The following SUSD4 variants were observed in gnomAD, a reference collection of about 807,000 sequenced individuals.
The protein encoded by SUSD4 is sushi domain-containing protein 4.
In SUSD4, 41 loss-of-function variants were observed where a neutral mutation model predicts 50.5. The observed-to-expected ratio is 0.81, with a 90% CI of 0.63 to 1.05. The LOEUF is 1.05. Ranked by LOEUF, SUSD4 falls within the 50% of genes least tolerant of loss-of-function variation. The pLI is 0.00. For missense variants in SUSD4, 580 were observed against 634.7 expected (o/e 0.91, Z 0.93); for synonymous variants, 257 against 257.3 (o/e 1.00, Z 0.01).
intron 2 of SUSD4, among the ~76,000 whole-genome samples, chr1:223,297,871 GGGAT>G (rs550514362): frequency 6.6e-6 from 1 of 152,172 alleles, no homozygotes; most frequent in Non-Finnish European, 1.5e-5. Flanking sequence ...GATAAAGCAA[GGGAT>G]GGATGGATGG....
intron 2 of SUSD4, among the ~76,000 whole-genome samples, chr1:223,325,990 A>G (rs911139363): frequency 6.6e-6 from 1 of 152,154 alleles, no homozygotes; most frequent in African/African-American, 2.4e-5. Context: ...AAAATACCAA[A>G]ATCATTTTTC....
chr1:223,292,573 A>G lies in SUSD4; in HGVS notation c.227T>C (p.Phe76Ser), dbSNP rs916797219. 8.1e-6 allele frequency: 13 copies of G among 1,613,988 alleles called. No individual in the cohort carries two copies. The highest frequency in any genetic ancestry group is 1.1e-5 in the Non-Finnish European group (13 of 1,180,012). ...GFRTPSGGVF[F>S]EGSVARFHCQ... is the part of the protein sequence containing the mutation. Reference sequence around the variant, plus strand: ...GTGAAATCGGGCTACAGAGCCTTCAAAGAAAACCCCTCCGCTGGGGGTCCT... The same window carrying G: ...GTGAAATCGGGCTACAGAGCCTTCAGAGAAAACCCCTCCGCTGGGGGTCCT... Residue 76 changes from phenylalanine (F) to serine (S), a missense_variant, in exon 3 of 9, where the codon TTT becomes TCT. Physicochemically the swap from Phe to Ser is radical, Grantham distance 155 (BLOSUM62 -2). Coordinates refer to ENST00000366878, the MANE Select transcript of SUSD4 (RefSeq NM_017982.4).
At chr1:223,291,876 G>C (rs552177102) in intron 3 of SUSD4, among the ~76,000 whole-genome samples, 1 of 152,320 alleles carries the variant, frequency 6.6e-6, no homozygotes, top group East Asian at 1.9e-4. Flanking sequence ...CAGATGTGGG[G>C]TAATTGCTAG....
At chr1:223,355,066 C>G (rs189076446) in intron 2 of SUSD4, among the ~76,000 whole-genome samples, 104 of 151,646 alleles carry the variant, frequency 6.9e-4, no homozygotes, top group African/African-American at 2.4e-3. Context: ...ACACGTGCCA[C>G]CACACCCAGC....
intron 2 of SUSD4, among the ~76,000 whole-genome samples, chr1:223,293,086 C>T (rs1469641570): frequency 3.3e-5 from 5 of 152,184 alleles, no homozygotes; most frequent in Admixed American, 1.3e-4. Context: ...GGTTTTCTAA[C>T]GGTAGAAATG....
intron 2 of SUSD4, among the ~76,000 whole-genome samples, chr1:223,339,643 T>C (rs758127798): frequency 2.0e-5 from 3 of 152,176 alleles, no homozygotes; most frequent in Non-Finnish European, 4.4e-5. Flanking sequence ...CGACACCTTT[T>C]AATGGTATGA....
chr1:223,262,993 A>ATGGAGTAAGAGCAAAAGGCACGTTT (rs1558192407), intron 5 of SUSD4, among the ~76,000 whole-genome samples: 1 of 152,212 alleles, frequency 6.6e-6, no homozygotes, highest in Non-Finnish European at 1.5e-5. Context: ...ATGCCTATCC[A>ATGGAGTAAGAGCAAAAGGCACGTTT]ATCATATTCT....
chr1:223,354,269 T>C (rs1295529226), intron 2 of SUSD4, among the ~76,000 whole-genome samples: 1 of 151,026 alleles, frequency 6.6e-6, no homozygotes, highest in Non-Finnish European at 1.5e-5. Flanking sequence ...ATTGCCAGAA[T>C]AAAGTGTTGT....
intron 2 of SUSD4, among the ~76,000 whole-genome samples, chr1:223,348,954 T>C (rs1419116989): frequency 1.3e-5 from 2 of 152,062 alleles, no homozygotes; most frequent in Admixed American, 6.6e-5. Flanking sequence ...AGCTGGTCCA[T>C]GGGCATGAAG....
intron 5 of SUSD4, among the ~76,000 whole-genome samples, chr1:223,252,911 T>C (rs1661431883): frequency 6.6e-6 from 1 of 151,562 alleles, no homozygotes. Flanking sequence ...GCCAACATGG[T>C]AAAAAACCCC....
chr1:223,288,825 T>C lies in SUSD4; in HGVS notation c.361+3614A>G, dbSNP rs547830423. Among the ~76,000 whole-genome samples, 11 of 152,330 alleles carry C rather than the reference T, an allele frequency of 7.2e-5. No individual in the cohort carries two copies. The East Asian group carries it at 2.1e-3, about 29-fold the overall frequency. On this transcript the variant is annotated intron_variant, in intron 3 of 8. Transcript: ENST00000366878. ...TTACTTTTTAAATGTGCTAATTCTT[T>C]ATGATGTACAAACCGAAGTTCATCA...
rs150249502 is a variant in SUSD4 at position 223,227,502 on chromosome 1, C to T, written c.1061+92G>A. 434 of 1,507,582 alleles carry T rather than the reference C, an allele frequency of 2.9e-4. 2 individuals are homozygous for T. In the African/African-American group the frequency reaches 5.0e-3, roughly 17 times the overall value. 93.4% of individuals were successfully genotyped at this position (1,507,582 alleles called of 1,614,324 possible). Reference sequence around the variant, plus strand: ...TCTCCCCTGTTTCCCTTTAGAGCTTCAACTTTTCACTCATCACTTTCTCCC... The same window carrying T: ...TCTCCCCTGTTTCCCTTTAGAGCTTTAACTTTTCACTCATCACTTTCTCCC... On this transcript the variant is annotated intron_variant, in intron 7 of 8. Coordinates refer to ENST00000366878, the MANE Select transcript of SUSD4 (RefSeq NM_017982.4). The surrounding 1 kb of genome is among the most constrained non-coding windows in gnomAD (Gnocchi z 4.5).
chr1:223,225,760 ACC>A (rs1020650458), intron 7 of SUSD4, among the ~76,000 whole-genome samples: 1 of 151,840 alleles, frequency 6.6e-6, no homozygotes, highest in African/African-American at 2.4e-5. Flanking sequence ...AACAGTCCAC[ACC>A]CAGGATACAG....
chr1:223,346,461 G>A (rs1475773600), intron 2 of SUSD4, among the ~76,000 whole-genome samples: 1 of 152,184 alleles, frequency 6.6e-6, no homozygotes, highest in Non-Finnish European at 1.5e-5. Context: ...AAAAGCAGAT[G>A]ACGTTAGCTG....
At chr1:223,308,318 A>G (rs762381498) in intron 2 of SUSD4, among the ~76,000 whole-genome samples, 4 of 152,040 alleles carry the variant, frequency 2.6e-5, no homozygotes, top group Non-Finnish European at 5.9e-5. Flanking sequence ...GTTGTTTTAA[A>G]GTGTGTGGCA....
In SUSD4 at chr1:223,227,998, G is replaced by A. The variant is rs929211865; in HGVS notation, c.917-260C>T. On this transcript the variant is annotated intron_variant, in intron 6 of 8. Transcript: ENST00000366878. The surrounding 1 kb of genome is among the most constrained non-coding windows in gnomAD (Gnocchi z 4.5). ...GCATGCTCACATTCCAGTCCCAGGC[G>A]CAGGCCTGGCACAGGCTTAAATAAT... Among the ~76,000 whole-genome samples, 4 of 152,218 alleles carry A rather than the reference G, an allele frequency of 2.6e-5. No individual in the cohort carries two copies. The highest frequency in any genetic ancestry group is 4.4e-5 in the Non-Finnish European group (3 of 68,036).
intron 2 of SUSD4, among the ~76,000 whole-genome samples, chr1:223,325,730 A>G (rs1666836875): frequency 6.6e-6 from 1 of 152,184 alleles, no homozygotes; most frequent in African/African-American, 2.4e-5. Flanking sequence ...ACCAACAATG[A>G]CCAAGCTGAG....
At chr1:223,354,273 G>A (rs1668533094) in intron 2 of SUSD4, among the ~76,000 whole-genome samples, 1 of 151,336 alleles carries the variant, frequency 6.6e-6, no homozygotes, top group Non-Finnish European at 1.5e-5. Flanking sequence ...CCAGAATAAA[G>A]TGTTGTTGGT....
chr1:223,235,153 T>TA, intron 5 of SUSD4: 2 of 1,519,232 alleles, frequency 1.3e-6, no homozygotes, highest in Admixed American at 2.4e-5. Context: ...TTCTCTTGAT[T>TA]GAAAAAAAAA....
Sources: gnomAD v4.1 joint callset for allele counts (sites outside exome capture counted in the v4.1 genomes callset) on GRCh38, gnomAD v4.1.1 for gene constraint, Gnocchi (gnomAD v3.1) non-coding constraint, MANE v1.5 for transcripts, NCBI Gene and HGNC (gene_info 2026-07-23, HGNC 2026-07-21) for gene names.